DGKB: variants seen among roughly 807,000 people sequenced by gnomAD.
DGKB encodes 90 kDa diacylglycerol kinase.
In DGKB, 67 loss-of-function variants were observed where a neutral mutation model predicts 114.3. That is an observed-to-expected ratio of 0.59 (90% CI 0.48 to 0.72). The LOEUF (loss-of-function observed/expected upper bound fraction) is 0.72. DGKB is among the 30% of genes least tolerant of loss of function. DGKB has a pLI of 0.00. For synonymous variants in DGKB, 398 were observed against 323.1 expected, an observed-to-expected ratio of 1.23 and a Z score of -2.49; for missense variants, 907 against 975.2, an observed-to-expected ratio of 0.93 and a Z score of 0.93.
chr7:14,165,472 C>G (rs1410993758), intron 25 of DGKB, among the ~76,000 whole-genome samples: 1 of 152,050 alleles, frequency 6.6e-6, no homozygotes, highest in Non-Finnish European at 1.5e-5. Context: ...CAAATTTGCC[C>G]TATTCCTGCT....
At chr7:14,474,352 G>A (rs1781855496) in intron 21 of DGKB, among the ~76,000 whole-genome samples, 1 of 152,144 alleles carries the variant, frequency 6.6e-6, no homozygotes. Flanking sequence ...TGCCATGATT[G>A]TGAGGCCTTC....
intron 2 of DGKB, among the ~76,000 whole-genome samples, chr7:14,832,019 C>T (rs1376392934): frequency 2.6e-5 from 4 of 152,002 alleles, no homozygotes; most frequent in African/African-American, 9.7e-5. Flanking sequence ...TAACTCAGTA[C>T]ATCCTAATAA....
intron 23 of DGKB, among the ~76,000 whole-genome samples, chr7:14,304,916 T>A (rs1188794040): frequency 6.6e-6 from 1 of 152,156 alleles, no homozygotes; most frequent in Non-Finnish European, 1.5e-5. Flanking sequence ...ACACAGATTA[T>A]TACTGTATTA....
chr7:14,559,001 G>T (rs1009999549), intron 20 of DGKB, among the ~76,000 whole-genome samples: 8 of 152,170 alleles, frequency 5.3e-5, no homozygotes, highest in African/African-American at 1.7e-4. Context: ...TCACCTGCAT[G>T]TCCCTATTTT....
chr7:14,801,186 G>A (rs1842100781), intron 2 of DGKB, among the ~76,000 whole-genome samples: 2 of 152,100 alleles, frequency 1.3e-5, no homozygotes, highest in Admixed American at 1.3e-4. Context: ...GGATACCAAG[G>A]AGAAGAGTAG....
chr7:14,321,603 G>GAAAAAAA (rs1164711723), intron 23 of DGKB, among the ~76,000 whole-genome samples: 5 of 44,466 alleles, frequency 1.1e-4, no homozygotes, highest in East Asian at 6.6e-4. Flanking sequence ...AGAGAAATAA[G>GAAAAAAA]AAAAAAAAAA....
chr7:14,746,040 A>C (rs1366293407), intron 4 of DGKB, among the ~76,000 whole-genome samples: 5 of 152,122 alleles, frequency 3.3e-5, no homozygotes, highest in Non-Finnish European at 5.9e-5. Context: ...CTCTATATAA[A>C]GTGGTATATG....
At chr7:14,266,118 A>C (rs1797484845) in intron 23 of DGKB, among the ~76,000 whole-genome samples, 3 of 152,126 alleles carry the variant, frequency 2.0e-5, no homozygotes. Context: ...TATTTTTATA[A>C]GGCAAATAGC....
chr7:14,584,289 T>G (rs2128730252), intron 17 of DGKB, among the ~76,000 whole-genome samples: 1 of 152,328 alleles, frequency 6.6e-6, no homozygotes, highest in Admixed American at 6.5e-5. Context: ...TGTGTCTCAT[T>G]ACTACAAAAA....
intron 23 of DGKB, 23 bp downstream of exon 23, chr7:14,338,477 TAACAAGCAATTTAAC>T (rs778060827): frequency 1.5e-5 from 20 of 1,376,654 alleles, no homozygotes; most frequent in Non-Finnish European, 1.9e-5. Context: ...GAAAACAGGT[TAACAAGCAATTTAAC>T]AACTAATTGT....
At chr7:14,885,557 GATAAA>G (rs893017330) in intron 1 of DGKB, among the ~76,000 whole-genome samples, 9 of 151,702 alleles carry the variant, frequency 5.9e-5, no homozygotes, top group Non-Finnish European at 1.2e-4. Flanking sequence ...GGCACATAGA[GATAAA>G]ATAAAAGGTG....
intron 23 of DGKB, among the ~76,000 whole-genome samples, chr7:14,197,189 C>T (rs1785150265): frequency 6.6e-6 from 1 of 151,990 alleles, no homozygotes; most frequent in Non-Finnish European, 1.5e-5. Context: ...TTTTCTACCT[C>T]CTCTTAGAAG....
intron 1 of DGKB, among the ~76,000 whole-genome samples, chr7:14,928,242 TC>T (rs972874347): frequency 1.1e-4 from 17 of 151,944 alleles, no homozygotes; most frequent in Admixed American, 6.6e-4. Flanking sequence ...TTTATAGAAA[TC>T]TATTTAGTTG....
At chr7:14,522,223 T>C (rs1044976192) in intron 20 of DGKB, among the ~76,000 whole-genome samples, 2 of 152,168 alleles carry the variant, frequency 1.3e-5, no homozygotes, top group African/African-American at 2.4e-5. Flanking sequence ...AGGCTTTTAC[T>C]TTACATAAGG....
intron 23 of DGKB, among the ~76,000 whole-genome samples, chr7:14,323,358 G>C (rs1367745073): frequency 6.6e-6 from 1 of 152,078 alleles, no homozygotes; most frequent in Non-Finnish European, 1.5e-5. Context: ...TAGGTGTATT[G>C]ACTATCAAAA....
At chr7:14,269,751 CTTCTT>C (rs1798016166) in intron 23 of DGKB, among the ~76,000 whole-genome samples, 1 of 152,056 alleles carries the variant, frequency 6.6e-6, no homozygotes, top group Non-Finnish European at 1.5e-5. Context: ...ATCTGTATAT[CTTCTT>C]TATTTTATTT....
chr7:14,271,165 T>C (rs1308664105), intron 23 of DGKB, among the ~76,000 whole-genome samples: 1 of 152,188 alleles, frequency 6.6e-6, no homozygotes, highest in South Asian at 2.1e-4. Flanking sequence ...AAGACTCATA[T>C]CTTTTTCAAT....
At chr7:14,305,679 A>G (rs1299173407) in intron 23 of DGKB, among the ~76,000 whole-genome samples, 1 of 152,106 alleles carries the variant, frequency 6.6e-6, no homozygotes, top group Non-Finnish European at 1.5e-5. Context: ...TCTTCCTGGC[A>G]GTGGTCCCAC....
intron 23 of DGKB, among the ~76,000 whole-genome samples, chr7:14,285,418 G>C (rs1800720783): frequency 2.0e-5 from 3 of 152,200 alleles, no homozygotes; most frequent in Admixed American, 1.3e-4. Flanking sequence ...CTTTTCACTG[G>C]TGTTTCAGCT....
Sources: allele counts gnomAD v4.1 joint callset (sites outside exome capture counted in the v4.1 genomes callset), GRCh38; gene constraint gnomAD v4.1.1; transcripts MANE v1.5; gene names NCBI Gene and HGNC (gene_info 2026-07-23, HGNC 2026-07-21).